USP29: variants seen among roughly 807,000 people sequenced by gnomAD.
USP29 encodes the protein ubiquitin specific peptidase 29.
For synonymous variants in USP29, 386 were observed against 387.4 expected, an observed-to-expected ratio of 1.00 and a Z score of 0.04; for missense variants, 1,102 against 1,069.0, an observed-to-expected ratio of 1.03 and a Z score of -0.43.
Position 57,129,328 on chromosome 19 carries a change from AAGAT to A in USP29, c.657_660del (p.Asp219GlufsTer3). ...CCATCAAGTTTAGAGGATTTAGAAA[AAGAT>A]AGAGATTTGAAACTCGGGCCTTCAT... On this transcript the variant is annotated frameshift_variant, in exon 4 of 4. Coordinates refer to ENST00000254181, the MANE Select transcript of USP29 (RefSeq NM_020903.3). LOFTEE classifies it low-confidence loss of function (END_TRUNC). 1 of 1,614,186 alleles carries A rather than the reference AAGAT, an allele frequency of 6.2e-7. No homozygotes were observed.
In USP29 at chr19:57,129,614, A is replaced by G; in HGVS notation, c.939A>G (p.Leu313=). 1 of 1,614,116 alleles carries G rather than the reference A, an allele frequency of 6.2e-7. No individual in the cohort carries two copies. The highest frequency in any genetic ancestry group is 8.5e-7 in the Non-Finnish European group (1 of 1,180,004). ...LFAIPSFADD[L]LTQGVPWEYI... ...CAATTCCATCTTTTGCTGATGACTT[A>G]CTCACTCAAGGTGTCCCATGGGAAT... Residue 313 remains leucine, a synonymous_variant, in exon 4 of 4, where the codon TTA becomes TTG. Transcript: ENST00000254181.
rs111778303 is a variant in USP29, at chr19:57,130,301, T to G, written c.1626T>G (p.Asn542Lys). The change falls in exon 4 of 4, where the codon AAT (asparagine) becomes AAG (lysine). Residue 542 changes from asparagine to lysine, a missense_variant. Coordinates refer to ENST00000254181, the MANE Select transcript of USP29 (RefSeq NM_020903.3). ...CTTTAAGTTTATCTTCTTATTGCAA[T>G]GAAAGCACCAAACCACCTCTTCCCT... ...PKSLSLSSYC[N>K]ESTKPPLPLS... 2 of 1,613,998 alleles carry G rather than the reference T, an allele frequency of 1.2e-6. No homozygotes were observed. The highest frequency in any genetic ancestry group is 2.7e-5 in the African/African-American group (2 of 74,920).
chr19:57,128,477 G>T (rs1217907515), intron 3 of USP29, among the ~76,000 whole-genome samples, 183 bp from the exon 4 acceptor site: 2 of 152,154 alleles, frequency 1.3e-5, no homozygotes, highest in Non-Finnish European at 2.9e-5. Context: ...AAATGCGTGT[G>T]CCTCAGTCTA....
chr19:57,131,367 T>G lies in USP29; in HGVS notation c.2692T>G (p.Ser898Ala), dbSNP rs1317606878. 2.5e-6 allele frequency: 4 copies of G among 1,614,148 alleles called. No homozygotes were observed. Among genetic ancestry groups the G allele is most frequent in the East Asian group, 4.5e-5 (2 of 44,876 alleles). Residue 898 changes from serine to alanine, a missense_variant, in exon 4 of 4, where the codon TCT becomes GCT. Ser to Ala is a moderately conservative substitution (Grantham distance 99). Coordinates refer to ENST00000254181, the MANE Select transcript of USP29 (RefSeq NM_020903.3). Reference sequence around the variant, plus strand: ...GGAGCTGTTAAGAAAAGCAGAGAACTCTCGGCTACCTAGCACACAGGCAGG... The same window carrying G: ...GGAGCTGTTAAGAAAAGCAGAGAACGCTCGGCTACCTAGCACACAGGCAGG... ...FEELLRKAEN[S>A]RLPSTQAGVI...
intron 1 of USP29, among the ~76,000 whole-genome samples, chr19:57,120,985 C>T (rs2086792358): frequency 6.6e-6 from 1 of 150,842 alleles, no homozygotes; most frequent in African/African-American, 2.4e-5. Flanking sequence ...ATCCCAGCTA[C>T]TCAGGAGGCT....
rs760922500 is a variant in USP29 at position 57,130,264 on chromosome 19, A to G, written c.1589A>G (p.Tyr530Cys). ...CTGGTGAAGAATAACGAGCAAGTTT[A>G]TATTCCCAAATCTTTAAGTTTATCT... is the stretch of plus-strand genomic sequence containing the variant. ...WLLVKNNEQV[Y>C]IPKSLSLSSY... Residue 530 changes from tyrosine to cysteine, a missense_variant, in exon 4 of 4, where the codon TAT (tyrosine) becomes TGT (cysteine). Physicochemically the swap from Tyr to Cys is radical, Grantham distance 194. Transcript: ENST00000254181. 6.2e-7 allele frequency: 1 copy of G among 1,614,124 alleles called. No homozygotes were observed. Among genetic ancestry groups the G allele is most frequent in the Non-Finnish European group, 8.5e-7 (1 of 1,180,014 alleles).
At chr19:57,127,822 G>A (rs1257684401) in intron 3 of USP29, among the ~76,000 whole-genome samples, 2 of 151,990 alleles carry the variant, frequency 1.3e-5, no homozygotes, top group African/African-American at 2.4e-5. Flanking sequence ...CACCACTGGT[G>A]TACAAAAAAA....
intron 3 of USP29, among the ~76,000 whole-genome samples, chr19:57,127,508 C>G (rs1192370799): frequency 6.6e-6 from 1 of 152,216 alleles, no homozygotes; most frequent in Admixed American, 6.5e-5. Context: ...GAGAAGCAGT[C>G]TGGCCACAGC....
In USP29 at chr19:57,128,749, C is replaced by T; in HGVS notation, c.74C>T (p.Ala25Val). 1.2e-6 allele frequency: 2 copies of T among 1,612,038 alleles called. No homozygotes were observed. Among genetic ancestry groups the T allele is most frequent in the South Asian group, 1.1e-5 (1 of 90,288 alleles). ...ACTGGGATGACTAAGCTGAAAGAAG[C>T]TCTCATTGAAACAGTGCAAAGACAA... The part of the protein sequence containing the change: ...QKTGMTKLKE[A>V]LIETVQRQKE... Residue 25 changes from alanine to valine, a missense_variant, in exon 4 of 4, where the codon GCT becomes GTT. Ala to Val is a moderately conservative substitution (Grantham distance 64). Transcript: ENST00000254181.
chr19:57,127,661 AC>A (rs1403800714), intron 3 of USP29, among the ~76,000 whole-genome samples: 3 of 152,092 alleles, frequency 2.0e-5, no homozygotes, highest in African/African-American at 7.2e-5. Flanking sequence ...TCAACTTCAG[AC>A]TGCTGCACTG....
rs149368572 is a variant in USP29 at position 57,131,431 on chromosome 19, A to G, written c.2756A>G (p.Tyr919Cys). The G allele has an allele frequency of 2.6e-5, 42 of 1,609,928 alleles. No individual in the cohort carries two copies. The African/African-American group carries it at 5.3e-4, about 20-fold the overall frequency. The change falls in exon 4 of 4, where the codon TAC becomes TGC. Residue 919 changes from tyrosine (Y) to cysteine (C), a missense_variant. Coordinates refer to ENST00000254181, the MANE Select transcript of USP29 (RefSeq NM_020903.3). The part of the protein sequence containing the change: ...PQGEYEGDSL[Y>C]RPA ...GGGGAATACGAAGGTGACTCTTTGT[A>G]CAGACCTGCTTGACAGACTCACTCG... is the stretch of plus-strand genomic sequence containing the variant.
rs755429650 is a variant in USP29 at position 57,131,424 on chromosome 19, T to C, written c.2749T>C (p.Ser917Pro). Residue 917 changes from serine to proline, a missense_variant, in exon 4 of 4, where the codon TCT (serine) becomes CCT (proline). By Grantham distance (74) the Ser-to-Pro change is moderately conservative (BLOSUM62 -1). Transcript: ENST00000254181. ...VIPQGEYEGDSLYRPA is the reference protein window; with the variant it reads ...VIPQGEYEGDPLYRPA ...CCCTCAGGGGGAATACGAAGGTGAC[T>C]CTTTGTACAGACCTGCTTGACAGAC... 6.8e-6 allele frequency: 11 copies of C among 1,612,276 alleles called. No homozygotes were observed. In the South Asian group the frequency reaches 1.2e-4, roughly 18 times the overall value.
chr19:57,129,405 G>T lies in USP29; in HGVS notation c.730G>T (p.Ala244Ser). The change falls in exon 4 of 4, where the codon GCA (alanine) becomes TCA (serine). Residue 244 changes from alanine (A) to serine (S), a missense_variant. Ala to Ser is a moderately conservative substitution (Grantham distance 99, BLOSUM62 1). Transcript: ENST00000254181. ...TCCTAACCTAGATGAGACTGTTCTT[G>T]CAACCCAGACTCTCAATGCCAAAAA... The part of the protein sequence containing the change: ...GNPNLDETVL[A>S]TQTLNAKNGL... 6.2e-7 allele frequency: 1 copy of T among 1,614,176 alleles called. No individual in the cohort carries two copies.
Position 57,129,086 on chromosome 19 carries a change from T to C in USP29, c.411T>C (p.Ile137=), listed in dbSNP as rs2086839332. 1 of 1,612,474 alleles carries C rather than the reference T, an allele frequency of 6.2e-7. No homozygotes were observed. Among genetic ancestry groups the C allele is most frequent in the East Asian group, 2.2e-5 (1 of 44,834 alleles). ...TTGACAAAACTTCATTTTACAGCAT[T>C]TGTAACAAGCCAAGTTATCAGAAGA... ...KEIDKTSFYS[I]CNKPSYQKMP... Residue 137 remains isoleucine, a synonymous_variant, in exon 4 of 4, where the codon ATT becomes ATC. Transcript: ENST00000254181.
chr19:57,119,648 C>A (rs1222265564), upstream of USP29, among the ~76,000 whole-genome samples: 4 of 152,158 alleles, frequency 2.6e-5, no homozygotes, highest in Admixed American at 6.5e-5. Flanking sequence ...ATATCAAACT[C>A]CTGACCTCAG....
chr19:57,121,997 G>A (rs2086800192), intron 1 of USP29, among the ~76,000 whole-genome samples: 1 of 151,768 alleles, frequency 6.6e-6, no homozygotes, highest in South Asian at 2.1e-4. Flanking sequence ...CATCAAAAGA[G>A]GGAGAGAGAA....
intron 3 of USP29, among the ~76,000 whole-genome samples, chr19:57,124,959 T>A (rs1050629174): frequency 1.3e-5 from 2 of 152,192 alleles, no homozygotes; most frequent in African/African-American, 4.8e-5. Context: ...ATTTTCTCCA[T>A]ATGAGGTAGT....
At position 57,129,774 on chromosome 19, in the gene USP29, G is replaced by T; in HGVS notation, c.1099G>T (p.Gly367Cys). Residue 367 changes from glycine to cysteine, a missense_variant, in exon 4 of 4, where the codon GGC becomes TGC. Transcript: ENST00000254181. ...TTCAGCAGTTGCAGAAATATTTTCT[G>T]GCAACATGCAGAATGATGCTCATGA... ...VISAVAEIFS[G>C]NMQNDAHEFL... The T allele has an allele frequency of 6.2e-7, 1 of 1,614,080 alleles. No homozygotes were observed. The highest frequency in any genetic ancestry group is 8.5e-7 in the Non-Finnish European group (1 of 1,180,026).
chr19:57,130,975 C>A lies in USP29; in HGVS notation c.2300C>A (p.Thr767Asn). The change falls in exon 4 of 4, where the codon ACC (threonine) becomes AAC (asparagine). Residue 767 changes from threonine (T) to asparagine (N), a missense_variant. Coordinates refer to ENST00000254181, the MANE Select transcript of USP29 (RefSeq NM_020903.3). ...GATGCCCAGGAACATACAGAAGAGA[C>A]CCTCAATCAGTCTACAGAATTAAGA... The part of the protein sequence containing the change: ...KLDAQEHTEE[T>N]LNQSTELRLQ... The A allele has an allele frequency of 1.9e-6, 3 of 1,614,134 alleles. No homozygotes were observed. The highest frequency in any genetic ancestry group is 2.5e-6 in the Non-Finnish European group (3 of 1,180,022).
Sources: gnomAD v4.1 joint callset for allele counts (sites outside exome capture counted in the v4.1 genomes callset) on GRCh38, gnomAD v4.1.1 for gene constraint, MANE v1.5 for transcripts, NCBI Gene and HGNC (gene_info 2026-07-23, HGNC 2026-07-21) for gene names.